Variants in ARFIP2 observed in about 807,000 individuals in gnomAD.
The protein encoded by ARFIP2 is arfaptin-2.
A neutral mutation model predicts 39.2 loss-of-function variants in ARFIP2; 14 were observed. The observed-to-expected ratio is 0.36, with a 90% CI of 0.24 to 0.56. The LOEUF is 0.56. Among genes scored for constraint, ARFIP2 ranks in the 20% least tolerant of loss-of-function variants. ARFIP2 has a pLI of 0.85. For missense variants in ARFIP2, 305 were observed against 422.5 expected (o/e 0.72, Z 2.44); for synonymous variants, 167 against 172.4 (o/e 0.97, Z 0.24).
chr11:6,479,097 C>T, intron 4 of ARFIP2, 43 bp downstream of exon 4: 1 of 1,600,580 alleles, frequency 6.2e-7, no homozygotes, highest in Non-Finnish European at 8.6e-7. Context: ...GAAAAAGGTA[C>T]CCATAAGGAG....
chr11:6,478,611 GGGGTAGGGCT>G lies in ARFIP2; in HGVS notation c.537+117_537+126del, dbSNP rs1851366244. On this transcript the variant is annotated intron_variant, in intron 5 of 7. Coordinates refer to ENST00000396777, the MANE Select transcript of ARFIP2 (RefSeq NM_001376558.2). This position sits in a 1 kb window ranked among gnomAD's most constrained non-coding sequence, Gnocchi z 4.8. The stretch of plus-strand genomic sequence containing the variant: ...CTGCCTCCACAGGTGAGTGCTGCTG[GGGGTAGGGCT>G]GGGCCCACCCTGAAGGGGTTCTCCC... The G allele has an allele frequency of 6.8e-7, 1 of 1,479,890 alleles. No homozygotes were observed. The highest frequency in any genetic ancestry group is 2.5e-5 in the East Asian group (1 of 40,282). 91.7% of individuals were successfully genotyped at this position (1,479,890 alleles called of 1,614,324 possible).
Position 6,478,318 on chromosome 11 carries a change from G to A in ARFIP2, c.538-120C>T. On this transcript the variant is annotated intron_variant, in intron 5 of 7. Coordinates refer to ENST00000396777, the MANE Select transcript of ARFIP2 (RefSeq NM_001376558.2). The surrounding 1 kb of genome is among the most constrained non-coding windows in gnomAD (Gnocchi z 4.8). ...AGCCAGCAAAACTGGAACAACCAAG[G>A]ACTGCCTCCAGCAAGGCTCTCTTAG... 1.6e-6 allele frequency: 2 copies of A among 1,284,622 alleles called. No individual in the cohort carries two copies. The highest frequency in any genetic ancestry group is 2.2e-6 in the Non-Finnish European group (2 of 917,750). 79.6% of individuals were successfully genotyped at this position (1,284,622 alleles called of 1,614,324 possible).
chr11:6,479,476 T>C, intron 3 of ARFIP2: 1 of 803,468 alleles, frequency 1.2e-6, no homozygotes, highest in Non-Finnish European at 1.9e-6. Context: ...GAGGAGGGGT[T>C]TGCAGGGAGT....
At chr11:6,480,556 T>C in intron 1 of ARFIP2, 93 bp from the exon 2 acceptor site, 1 of 655,060 alleles carries the variant, frequency 1.5e-6, no homozygotes, top group East Asian at 2.9e-5. Context: ...GTCCCAGGGT[T>C]TGAGTGTCCC....
In ARFIP2 at chr11:6,476,832, G is replaced by C; in HGVS notation, c.*281C>G. ...CCCAGCCTGAAGAGTGATGCCATTG[G>C]CCAGGGAGTGGTTTTGTCATAGCCG... On this transcript the variant is annotated 3_prime_UTR_variant, in exon 8 of 8. Transcript: ENST00000396777. 1 of 378,736 alleles carries C rather than the reference G, an allele frequency of 2.6e-6. No homozygotes were observed. Among genetic ancestry groups the C allele is most frequent in the Non-Finnish European group, 4.8e-6 (1 of 206,398 alleles). 23.5% of individuals were successfully genotyped at this position (378,736 alleles called of 1,614,324 possible).
In ARFIP2 at chr11:6,480,674, C is replaced by G. The variant is rs1465634236; in HGVS notation, c.-42-211G>C. ...CGGTGTCTTCTCACAAGCCCCCAAC[C>G]TCACCAGGACTCTGGTGATTATTTC... On this transcript the variant is annotated intron_variant, in intron 1 of 7. Coordinates refer to ENST00000396777, the MANE Select transcript of ARFIP2 (RefSeq NM_001376558.2). 12 of 417,826 alleles carry G rather than the reference C, an allele frequency of 2.9e-5. No homozygotes were observed. The East Asian group carries it at 5.4e-4, about 19-fold the overall frequency. The allele number at this position is 417,826 out of a possible 1,614,324, so 25.9% of individuals were successfully genotyped here.
In ARFIP2 at chr11:6,481,218, A is replaced by G. The variant is rs1270658443; in HGVS notation, c.-43+13T>C. On this transcript the variant is annotated intron_variant, in intron 1 of 7. Transcript: ENST00000396777. ...GCGTTCAACTTCCCGTCGCCCAAGC[A>G]TGTTCCTCTCACCTCGGGCCGGGCC... 1.7e-6 allele frequency: 1 copy of G among 574,038 alleles called. No homozygotes were observed. The highest frequency in any genetic ancestry group is 3.1e-6 in the Non-Finnish European group (1 of 322,934). 35.6% of individuals were successfully genotyped at this position (574,038 alleles called of 1,614,324 possible). A position where few individuals can be genotyped will look rare whatever the true frequency, so the allele number is the denominator to read the frequency against.
At position 6,476,966 on chromosome 11, in the gene ARFIP2, T is replaced by G; in HGVS notation, c.*147A>C. 1.1e-6 allele frequency: 1 copy of G among 921,800 alleles called. No individual in the cohort carries two copies. Among genetic ancestry groups the G allele is most frequent in the South Asian group, 1.8e-5 (1 of 54,232 alleles). The allele number at this position is 921,800 out of a possible 1,614,324, so 57.1% of individuals were successfully genotyped here. A position where few individuals can be genotyped will look rare whatever the true frequency, so the allele number is the denominator to read the frequency against. On this transcript the variant is annotated 3_prime_UTR_variant, in exon 8 of 8. Coordinates refer to ENST00000396777, the MANE Select transcript of ARFIP2 (RefSeq NM_001376558.2). ...AGGCCCTCTTCCCACCATAGCAATGTGGGCAAAACTGGTGTCAGGCCCCAG... is the reference window on the plus strand; with the variant it reads ...AGGCCCTCTTCCCACCATAGCAATGGGGGCAAAACTGGTGTCAGGCCCCAG...
At chr11:6,481,073 ACAGT>A (rs1367324419) in intron 1 of ARFIP2, 154 bp downstream of exon 1, 1 of 257,366 alleles carries the variant, frequency 3.9e-6, no homozygotes, top group Non-Finnish European at 7.6e-6. Flanking sequence ...TGACCCTTCC[ACAGT>A]CAGTTATGTC....
chr11:6,478,148 C>T lies in ARFIP2; in HGVS notation c.588G>A (p.Gly196=). The change falls in exon 6 of 8, where the codon GGG becomes GGA. Residue 196 remains glycine, a synonymous_variant. Transcript: ENST00000396777. The surrounding 1 kb of genome is among the most constrained non-coding windows in gnomAD (Gnocchi z 4.8). The part of the protein sequence containing the change: ...AETQKLLCKN[G]ETLLGAVNFF... ...AGTTCACGGCTCCTAGCAGCGTTTC[C>T]CCATTCTTGCATAGTAGTTTCTGTG... is the stretch of plus-strand genomic sequence containing the variant. 1.2e-6 allele frequency: 2 copies of T among 1,614,046 alleles called. No individual in the cohort carries two copies. The highest frequency in any genetic ancestry group is 1.7e-6 in the Non-Finnish European group (2 of 1,179,994).
Position 6,476,838 on chromosome 11 carries a change from G to C in ARFIP2, c.*275C>G, listed in dbSNP as rs988528102. ...CTGAAGAGTGATGCCATTGGCCAGGGAGTGGTTTTGTCATAGCCGTTGGCT... is the reference window on the plus strand; with the variant it reads ...CTGAAGAGTGATGCCATTGGCCAGGCAGTGGTTTTGTCATAGCCGTTGGCT... On this transcript the variant is annotated 3_prime_UTR_variant, in exon 8 of 8. Transcript: ENST00000396777. The C allele has an allele frequency of 5.1e-6, 2 of 392,756 alleles. No individual in the cohort carries two copies. Among genetic ancestry groups the C allele is most frequent in the Non-Finnish European group, 4.6e-6 (1 of 215,266 alleles). The allele number at this position is 392,756 out of a possible 1,614,324, so 24.3% of individuals were successfully genotyped here.
chr11:6,480,497 G>T, intron 1 of ARFIP2, 34 bp from the exon 2 acceptor site: 2 of 1,157,834 alleles, frequency 1.7e-6, no homozygotes, highest in Non-Finnish European at 2.4e-6. Flanking sequence ...CTGGACACTG[G>T]CCAGCACTCT....
chr11:6,479,046 C>T, intron 4 of ARFIP2, 87 bp from the exon 5 acceptor site: 1 of 1,578,016 alleles, frequency 6.3e-7, no homozygotes, highest in Non-Finnish European at 8.7e-7. Flanking sequence ...CAGGCTCCTA[C>T]TCTCAGCCAC....
chr11:6,478,870 C>T lies in ARFIP2; in HGVS notation c.405G>A (p.Glu135=), dbSNP rs1459346845. The part of the protein sequence containing the change: ...ELELQIELLR[E]TKRKYESVLQ... ...GGACACTCTCATACTTGCGCTTCGT[C>T]TCACGCAGCAACTCAATCTGCAGCT... The change falls in exon 5 of 8, where the codon GAG becomes GAA. Residue 135 remains glutamate, a synonymous_variant. Transcript: ENST00000396777. The surrounding 1 kb of genome is among the most constrained non-coding windows in gnomAD (Gnocchi z 4.8). 3.7e-6 allele frequency: 6 copies of T among 1,614,238 alleles called. No homozygotes were observed. In the East Asian group the frequency reaches 1.3e-4, roughly 36 times the overall value.
intron 3 of ARFIP2, chr11:6,479,534 G>A: frequency 1.6e-6 from 1 of 606,450 alleles, no homozygotes; most frequent in South Asian, 2.0e-5. Context: ...CACTGAGTTT[G>A]GGGGCAGCAG....
intron 3 of ARFIP2, 81 bp downstream of exon 3, chr11:6,479,891 T>G (rs1851533442): frequency 1.5e-6 from 2 of 1,370,378 alleles, no homozygotes; most frequent in South Asian, 2.4e-5. Flanking sequence ...TAATTCAAGC[T>G]TTCCTAGACA....
Position 6,478,846 on chromosome 11 carries a change from G to C in ARFIP2, c.429C>G (p.Val143=). 6 of 1,614,190 alleles carry C rather than the reference G, an allele frequency of 3.7e-6. No homozygotes were observed. Among genetic ancestry groups the C allele is most frequent in the Non-Finnish European group, 5.1e-6 (6 of 1,180,034 alleles). The change falls in exon 5 of 8, where the codon GTC becomes GTG. Residue 143 remains valine (V), a synonymous_variant. Transcript: ENST00000396777. This position sits in a 1 kb window ranked among gnomAD's most constrained non-coding sequence, Gnocchi z 4.8. ...CTGTCAGTGCCCGGCCCAGCTGCAG[G>C]ACACTCTCATACTTGCGCTTCGTCT... The part of the protein sequence containing the change: ...LRETKRKYES[V]LQLGRALTAH...
In ARFIP2 at chr11:6,478,504, A is replaced by G; in HGVS notation, c.537+234T>C. ...AGCACGAAGGCATTCTCCCCAGTGC[A>G]GAGAGGGGTTATTTGTGAGGCACCT... On this transcript the variant is annotated intron_variant, in intron 5 of 7. Transcript: ENST00000396777. The surrounding 1 kb of genome is among the most constrained non-coding windows in gnomAD (Gnocchi z 4.8). 1 of 1,339,214 alleles carries G rather than the reference A, an allele frequency of 7.5e-7. No individual in the cohort carries two copies. 83.0% of individuals were successfully genotyped at this position (1,339,214 alleles called of 1,614,324 possible).
At chr11:6,480,799 A>G in intron 1 of ARFIP2, 1 of 196,360 alleles carries the variant, frequency 5.1e-6, no homozygotes, top group Non-Finnish European at 1.1e-5. Flanking sequence ...CTGCTCTCTT[A>G]GAACTTATCT....
Sources: gnomAD v4.1 joint callset for allele counts on GRCh38, gnomAD v4.1.1 for gene constraint, Gnocchi (gnomAD v3.1) non-coding constraint, MANE v1.5 for transcripts, NCBI Gene and HGNC (gene_info 2026-07-23, HGNC 2026-07-21) for gene names.